Variants in CREB1 observed in about 807,000 individuals in gnomAD.
CREB1 encodes cyclic AMP-responsive element-binding protein 1.
CREB1 carries 2 observed loss-of-function variants against 42.0 expected under a neutral mutation model. The ratio of observed to expected loss-of-function variants is 0.05; its 90% CI spans 0.02 to 0.15. The LOEUF is 0.15. Among genes scored for constraint, CREB1 ranks in the 10% least tolerant of loss-of-function variants. The pLI is 1.00. For synonymous variants in CREB1, 123 were observed against 139.9 expected (o/e 0.88, Z 0.85); for missense variants, 199 against 388.9 (o/e 0.51, Z 4.11).
At chr2:207,531,670 A>ATTATTTT (rs2080635896) in intron 1 of CREB1, among the ~76,000 whole-genome samples, 1 of 152,174 alleles carries the variant, frequency 6.6e-6, no homozygotes, top group Non-Finnish European at 1.5e-5. Context: ...TAAAGCCCCG[A>ATTATTTT]ACAGTTATTT....
At chr2:207,537,316 G>A (rs1338623191) in intron 1 of CREB1, among the ~76,000 whole-genome samples, 2 of 152,112 alleles carry the variant, frequency 1.3e-5, no homozygotes, top group Non-Finnish European at 2.9e-5. Flanking sequence ...GGGATTACAG[G>A]CGTGAGCCAC....
At chr2:207,546,416 G>A (rs779076956) in intron 1 of CREB1, among the ~76,000 whole-genome samples, 10 of 152,024 alleles carry the variant, frequency 6.6e-5, no homozygotes, top group African/African-American at 1.2e-4. Flanking sequence ...AGAGTGAACC[G>A]TAAGATTAAA....
At chr2:207,578,608 T>C (rs536436793) in intron 7 of CREB1, among the ~76,000 whole-genome samples, 23 of 152,226 alleles carry the variant, frequency 1.5e-4, no homozygotes, top group Non-Finnish European at 3.4e-4. Context: ...GAAAGCACTT[T>C]GTAACTGTAG....
Position 207,601,653 on chromosome 2 carries a change from T to G in CREB1, c.*4595T>G, listed in dbSNP as rs912063165. On this transcript the variant is annotated 3_prime_UTR_variant, in exon 8 of 8. Transcript: ENST00000353267. ...AATTTGTCTAGAATAGTACAAGACT[T>G]TTTAAAGCAATTGTCCTCACAGAGA... 2 of 212,374 alleles carry G rather than the reference T, an allele frequency of 9.4e-6. No homozygotes were observed. Among genetic ancestry groups the G allele is most frequent in the Admixed American group, 1.2e-4 (2 of 17,032 alleles). The allele number at this position is 212,374 out of a possible 1,614,324, so 13.2% of individuals were successfully genotyped here.
intron 1 of CREB1, chr2:207,534,821 T>A (rs1187113550): frequency 6.6e-6 from 1 of 152,278 alleles, no homozygotes; most frequent in Non-Finnish European, 1.5e-5. Context: ...AGCAATTTTT[T>A]ATTTGTCCTT....
In CREB1 at chr2:207,605,098, TG is replaced by T. The variant is rs1416077733; in HGVS notation, c.*8041del. 6.6e-6 allele frequency among the ~76,000 whole-genome samples: 1 copy of T among 152,232 alleles called. No homozygotes were observed. Among genetic ancestry groups the T allele is most frequent in the African/African-American group, 2.4e-5 (1 of 41,446 alleles). ...TGGGGTATATGCCTGGGAGTGGAGTTGCTGGGTCATGTTGAAATCGCACATT... is the reference window on the plus strand; with the variant it reads ...TGGGGTATATGCCTGGGAGTGGAGTTCTGGGTCATGTTGAAATCGCACATT... On this transcript the variant is annotated 3_prime_UTR_variant, in exon 8 of 8. Transcript: ENST00000353267.
At position 207,603,129 on chromosome 2, in the gene CREB1, A is replaced by G. The variant is rs1409517471; in HGVS notation, c.*6071A>G. 2 of 211,046 alleles carry G rather than the reference A, an allele frequency of 9.5e-6. No homozygotes were observed. Among genetic ancestry groups the G allele is most frequent in the Admixed American group, 5.9e-5 (1 of 17,010 alleles). The allele number at this position is 211,046 out of a possible 1,614,324, so 13.1% of individuals were successfully genotyped here. A position where few individuals can be genotyped will look rare whatever the true frequency, so the allele number is the denominator to read the frequency against. On this transcript the variant is annotated 3_prime_UTR_variant, in exon 8 of 8. Transcript: ENST00000353267. ...ATAATGAGGGAAATACATTTCTAAT[A>G]AAATTCCCTACATTCTAGAAACATC...
chr2:207,551,153 G>A (rs946893289), intron 1 of CREB1, among the ~76,000 whole-genome samples: 1 of 152,014 alleles, frequency 6.6e-6, no homozygotes, highest in Non-Finnish European at 1.5e-5. Context: ...TGCCTCTTTG[G>A]AATTCTCTCA....
chr2:207,530,104 G>A lies in CREB1; in HGVS notation c.-39G>A. On this transcript the variant is annotated 5_prime_UTR_variant, in exon 1 of 8. Transcript: ENST00000353267. ...CTCCAGCGAGATCCGGGCCGTGAACGAAAGCAGTGACGGAGGAGCTTGTAC... is the reference window on the plus strand; with the variant it reads ...CTCCAGCGAGATCCGGGCCGTGAACAAAAGCAGTGACGGAGGAGCTTGTAC... 6.5e-6 allele frequency: 1 copy of A among 153,276 alleles called. No individual in the cohort carries two copies. Among genetic ancestry groups the A allele is most frequent in the Non-Finnish European group, 1.5e-5 (1 of 68,516 alleles). The allele number at this position is 153,276 out of a possible 1,614,324, so 9.5% of individuals were successfully genotyped here.
rs1433726053 is a variant in CREB1, at chr2:207,575,276, C to T, written c.510C>T (p.Ala170=). 1.2e-6 allele frequency: 2 copies of T among 1,612,724 alleles called. No homozygotes were observed. Among genetic ancestry groups the T allele is most frequent in the Admixed American group, 3.3e-5 (2 of 59,930 alleles). Residue 170 remains alanine, a synonymous_variant, in exon 6 of 8, where the codon GCC becomes GCT. Coordinates refer to ENST00000353267, the MANE Select transcript of CREB1 (RefSeq NM_004379.5). ...IYQTSSGQYI[A]ITQGGAIQLA... Reference sequence around the variant, plus strand: ...ATAAAATCCATTGGCTTTTAGTTGCCATTACCCAGGGAGGAGCAATACAGC... The same window carrying T: ...ATAAAATCCATTGGCTTTTAGTTGCTATTACCCAGGGAGGAGCAATACAGC...
chr2:207,571,433 C>T (rs1052547809), intron 5 of CREB1, among the ~76,000 whole-genome samples: 10 of 152,136 alleles, frequency 6.6e-5, no homozygotes, highest in Non-Finnish European at 1.0e-4. Context: ...TTTGCATTCC[C>T]ATCTGTATTA....
intron 3 of CREB1, among the ~76,000 whole-genome samples, chr2:207,564,211 T>C (rs116550638): frequency 0.023 from 3,429 of 152,180 alleles, 64 homozygotes; most frequent in Non-Finnish European, 0.032. Flanking sequence ...TTCAGTAAGC[T>C]TCTTGATCCA....
intron 1 of CREB1, among the ~76,000 whole-genome samples, chr2:207,530,986 A>G (rs1284821940): frequency 7.0e-6 from 1 of 142,880 alleles, no homozygotes; most frequent in East Asian, 2.0e-4. Context: ...TTTTTTTTTT[A>G]AAGTCAGTCA....
intron 2 of CREB1, among the ~76,000 whole-genome samples, chr2:207,558,209 G>A (rs755806377): frequency 2.0e-5 from 3 of 152,154 alleles, no homozygotes; most frequent in Non-Finnish European, 2.9e-5. Flanking sequence ...CAAAGACACT[G>A]TCTTTATAGG....
Position 207,593,980 on chromosome 2 carries a change from A to G in CREB1, c.840-2934A>G, listed in dbSNP as rs537129525. Among the ~76,000 whole-genome samples, 242 of 152,122 alleles carry G rather than the reference A, an allele frequency of 1.6e-3. 1 individual carries two copies. The highest frequency in any genetic ancestry group is 5.7e-3 in the African/African-American group (236 of 41,526). On this transcript the variant is annotated intron_variant, in intron 7 of 7. Coordinates refer to ENST00000353267, the MANE Select transcript of CREB1 (RefSeq NM_004379.5). ...GTGATCTGCCTGCCTCAGCCTCCCA[A>G]AGCGCTGGGACCTGGGATTACAGGG...
chr2:207,603,200 A>G lies in CREB1; in HGVS notation c.*6142A>G. ...TAAATCTTTTTGTGCTTTATGTGTA[A>G]AGAAAAAAATGTACTGAGTTACAAT... On this transcript the variant is annotated 3_prime_UTR_variant, in exon 8 of 8. Transcript: ENST00000353267. 1 of 216,116 alleles carries G rather than the reference A, an allele frequency of 4.6e-6. No homozygotes were observed. The highest frequency in any genetic ancestry group is 9.3e-6 in the Non-Finnish European group (1 of 107,368). 13.4% of individuals were successfully genotyped at this position (216,116 alleles called of 1,614,324 possible).
At position 207,601,687 on chromosome 2, in the gene CREB1, A is replaced by T. The variant is rs2087080744; in HGVS notation, c.*4629A>T. ...AATTGTCCTCACAGAGACCACATGT[A>T]ATATACTGAAATATGTTCATTTTTA... On this transcript the variant is annotated 3_prime_UTR_variant, in exon 8 of 8. Coordinates refer to ENST00000353267, the MANE Select transcript of CREB1 (RefSeq NM_004379.5). The T allele has an allele frequency of 9.4e-6, 2 of 213,356 alleles. No individual in the cohort carries two copies. The highest frequency in any genetic ancestry group is 3.7e-4 in the South Asian group (2 of 5,362). The allele number at this position is 213,356 out of a possible 1,614,324, so 13.2% of individuals were successfully genotyped here.
Position 207,604,240 on chromosome 2 carries a change from T to C in CREB1, c.*7182T>C, listed in dbSNP as rs1296634389. Among the ~76,000 whole-genome samples, 2 of 152,214 alleles carry C rather than the reference T, an allele frequency of 1.3e-5. No individual in the cohort carries two copies. Among genetic ancestry groups the C allele is most frequent in the African/African-American group, 4.8e-5 (2 of 41,470 alleles). ...ATCCTTGAGAAGTCACATCCAAAGA[T>C]AAAATTCTGATCCATTTCTAGTTTT... On this transcript the variant is annotated 3_prime_UTR_variant, in exon 8 of 8. Transcript: ENST00000353267.
At chr2:207,582,504 T>C (rs1025865337) in intron 7 of CREB1, among the ~76,000 whole-genome samples, 1 of 152,214 alleles carries the variant, frequency 6.6e-6, no homozygotes, top group African/African-American at 2.4e-5. Context: ...GTTGTTCATA[T>C]TGTTCTAGCT....
Sources: gnomAD v4.1 joint callset for allele counts (sites outside exome capture counted in the v4.1 genomes callset) on GRCh38, gnomAD v4.1.1 for gene constraint, MANE v1.5 for transcripts, NCBI Gene and HGNC (gene_info 2026-07-23, HGNC 2026-07-21) for gene names.